Variants in VWA1 observed in about 807,000 individuals in gnomAD.
VWA1 encodes von Willebrand factor A domain-containing protein 1.
Under a neutral mutation model 14.9 loss-of-function variants are expected in VWA1, and 12 were observed. That is an observed-to-expected ratio of 0.80 (90% CI 0.52 to 1.30). The LOEUF is 1.30. VWA1 is among the 50% of genes most tolerant of loss of function. The pLI, the probability that VWA1 is intolerant of heterozygous loss-of-function variation, is 0.00. For missense variants in VWA1, 800 were observed against 649.1 expected, an observed-to-expected ratio of 1.23 and a Z score of -2.53; for synonymous variants, 368 against 310.7, an observed-to-expected ratio of 1.18 and a Z score of -1.94.
chr1:1,438,912 G>A (rs1638598809), intron 2 of VWA1, among the ~76,000 whole-genome samples, 169 bp from the exon 3 acceptor site: 2 of 152,220 alleles, frequency 1.3e-5, no homozygotes, highest in Admixed American at 6.5e-5. Flanking sequence ...GGCACGTTCT[G>A]AGAATCCCCA....
rs902076057 is a variant in VWA1, at chr1:1,441,364, G to C, written c.*1577G>C. 6.6e-6 allele frequency: 1 copy of C among 152,304 alleles called. No individual in the cohort carries two copies. The highest frequency in any genetic ancestry group is 2.4e-5 in the African/African-American group (1 of 41,466). 9.4% of individuals were successfully genotyped at this position (152,304 alleles called of 1,614,324 possible). On this transcript the variant is annotated 3_prime_UTR_variant, in exon 3 of 3. Transcript: ENST00000476993. ...CGGCTGGGGCCAGGCTCACCACGCA[G>C]AGTTTGCCCTCCGGTGTGATGATGC... is the stretch of plus-strand genomic sequence containing the variant.
rs539551326 is a variant in VWA1 at position 1,437,345 on chromosome 1, C to G, written c.492C>G (p.Thr164=). ...PMQELKDLGV[T]VFIVSTGRGN... is the part of the protein sequence containing the mutation. ...AGGAGCTCAAGGACCTGGGCGTCAC[C>G]GTGTTCATTGTCAGCACCGGCCGAG... The change falls in exon 2 of 3, where the codon ACC becomes ACG. Residue 164 remains threonine (T), a synonymous_variant. Coordinates refer to ENST00000476993, the MANE Select transcript of VWA1 (RefSeq NM_022834.5). The G allele has an allele frequency of 2.5e-6, 4 of 1,612,636 alleles. No homozygotes were observed. The highest frequency in any genetic ancestry group is 1.1e-5 in the South Asian group (1 of 91,018).
At chr1:1,435,887 G>T (rs923953726) in intron 1 of VWA1, 66 bp downstream of exon 1, 11 of 703,432 alleles carry the variant, frequency 1.6e-5, no homozygotes, top group African/African-American at 1.2e-4. Flanking sequence ...CGCTGCCCGC[G>T]CAAGGCCGTC....
At chr1:1,438,291 G>A (rs1048525560) in intron 2 of VWA1, among the ~76,000 whole-genome samples, 3 of 152,190 alleles carry the variant, frequency 2.0e-5, no homozygotes, top group African/African-American at 7.2e-5. Flanking sequence ...GTCACCCAGT[G>A]CAGCTGCGCC....
Position 1,437,382 on chromosome 1 carries a change from G to C in VWA1, c.529G>C (p.Glu177Gln). ...CAGCACCGGCCGAGGCAACTTCCTG[G>C]AGCTGTCAGCCGCTGCCTCAGCCCC... is the stretch of plus-strand genomic sequence containing the variant. ...IVSTGRGNFL[E>Q]LSAAASAPAE... is the part of the protein sequence containing the mutation. Residue 177 changes from glutamate to glutamine, a missense_variant, in exon 2 of 3, where the codon GAG (glutamate) becomes CAG (glutamine). Physicochemically the swap from Glu to Gln is conservative, Grantham distance 29. Coordinates refer to ENST00000476993, the MANE Select transcript of VWA1 (RefSeq NM_022834.5). 6.2e-7 allele frequency: 1 copy of C among 1,612,826 alleles called. No individual in the cohort carries two copies. Among genetic ancestry groups the C allele is most frequent in the Non-Finnish European group, 8.5e-7 (1 of 1,179,984 alleles).
Position 1,439,615 on chromosome 1 carries a change from C to T in VWA1, c.1166C>T (p.Thr389Met). ...VEVPAGRNCT[T>M]LQGLAPGTAY... ...GTGCCCGCGGGCCGCAACTGCACCACGCTGCAGGGCCTGGCGCCGGGCACC... is the reference window on the plus strand; with the variant it reads ...GTGCCCGCGGGCCGCAACTGCACCATGCTGCAGGGCCTGGCGCCGGGCACC... The change falls in exon 3 of 3, where the codon ACG (threonine) becomes ATG (methionine). Residue 389 changes from threonine (T) to methionine (M), a missense_variant. Transcript: ENST00000476993. The T allele has an allele frequency of 7.6e-7, 1 of 1,309,560 alleles. No individual in the cohort carries two copies. Among genetic ancestry groups the T allele is most frequent in the Non-Finnish European group, 9.7e-7 (1 of 1,027,934 alleles). The allele number at this position is 1,309,560 out of a possible 1,614,324, so 81.1% of individuals were successfully genotyped here.
chr1:1,436,610 A>C (rs765104607), intron 1 of VWA1, among the ~76,000 whole-genome samples: 7 of 152,170 alleles, frequency 4.6e-5, no homozygotes, highest in Admixed American at 6.5e-5. Context: ...CTGGGGGCCT[A>C]GGCCAGGACT....
At chr1:1,436,668 G>A in intron 1 of VWA1, 1 of 441,226 alleles carries the variant, frequency 2.3e-6, no homozygotes. Flanking sequence ...GAAGGTGTGG[G>A]GGCTTGGAGC....
In VWA1 at chr1:1,439,462, T is replaced by TCGTC. The variant is rs1638612983; in HGVS notation, c.1014_1017dup (p.Ile340ArgfsTer106). ...CCAGAGGAGGCCGGGCCAGAGCGCA[T>TCGTC]CGTCATCTCCCACGCCCGGCCGCGC... is the stretch of plus-strand genomic sequence containing the variant. On this transcript the variant is annotated frameshift_variant, in exon 3 of 3. Coordinates refer to ENST00000476993, the MANE Select transcript of VWA1 (RefSeq NM_022834.5). LOFTEE classifies it low-confidence loss of function (END_TRUNC). The TCGTC allele has an allele frequency of 7.7e-6, 11 of 1,425,830 alleles. No homozygotes were observed. The highest frequency in any genetic ancestry group is 2.9e-5 in the Admixed American group (1 of 34,160). 88.3% of individuals were successfully genotyped at this position (1,425,830 alleles called of 1,614,324 possible).
Position 1,435,713 on chromosome 1 carries a change from A to G in VWA1, c.-36A>G. 1 of 1,180,654 alleles carries G rather than the reference A, an allele frequency of 8.5e-7. No individual in the cohort carries two copies. Among genetic ancestry groups the G allele is most frequent in the Non-Finnish European group, 1.1e-6 (1 of 949,664 alleles). The allele number at this position is 1,180,654 out of a possible 1,614,324, so 73.1% of individuals were successfully genotyped here. On this transcript the variant is annotated 5_prime_UTR_variant, in exon 1 of 3. Coordinates refer to ENST00000476993, the MANE Select transcript of VWA1 (RefSeq NM_022834.5). ...GCAGCCCCGAGCGAGCGAGCGAGCG[A>G]GCGAGTTGCCGAGCGCGCCCCGTCC...
intron 2 of VWA1, 113 bp from the exon 3 acceptor site, chr1:1,438,968 C>T (rs971650509): frequency 9.8e-6 from 14 of 1,432,390 alleles, no homozygotes; most frequent in South Asian, 7.3e-5. Flanking sequence ...CGCGGGGCCC[C>T]GTCTTTCCTA....
Position 1,440,466 on chromosome 1 carries a change from G to C in VWA1, c.*679G>C, listed in dbSNP as rs1289409769. ...CCGCCCACCGCCACTATCAGGCCCC[G>C]GGACCGCACTGACAGGAAACCTTCC... On this transcript the variant is annotated 3_prime_UTR_variant, in exon 3 of 3. Coordinates refer to ENST00000476993, the MANE Select transcript of VWA1 (RefSeq NM_022834.5). The C allele has an allele frequency of 6.4e-6, 1 of 155,816 alleles. No homozygotes were observed. The highest frequency in any genetic ancestry group is 1.6e-5 in the Non-Finnish European group (1 of 64,216). The allele number at this position is 155,816 out of a possible 1,614,324, so 9.7% of individuals were successfully genotyped here. A position where few individuals can be genotyped will look rare whatever the true frequency, so the allele number is the denominator to read the frequency against.
chr1:1,435,892 G>A, intron 1 of VWA1, 71 bp downstream of exon 1: 1 of 726,690 alleles, frequency 1.4e-6, no homozygotes, highest in Non-Finnish European at 1.7e-6. Context: ...CCCGCGCAAG[G>A]CCGTCGCTGT....
intron 1 of VWA1, 92 bp from the exon 2 acceptor site, chr1:1,436,835 T>A (rs1278714976): frequency 7.4e-7 from 1 of 1,349,112 alleles, no homozygotes; most frequent in Non-Finnish European, 1.0e-6. Flanking sequence ...AGCATCCACT[T>A]AAGGAAAGCT....
chr1:1,436,143 C>G (rs372795984), intron 1 of VWA1, among the ~76,000 whole-genome samples: 1 of 152,192 alleles, frequency 6.6e-6, no homozygotes, highest in South Asian at 2.1e-4. Context: ...TGCGAGGGCC[C>G]TTAGTGGAGG....
rs940129388 is a variant in VWA1 at position 1,437,324 on chromosome 1, G to A, written c.471G>A (p.Glu157=). The A allele has an allele frequency of 2.5e-6, 4 of 1,612,094 alleles. No individual in the cohort carries two copies. Among genetic ancestry groups the A allele is most frequent in the Non-Finnish European group, 3.4e-6 (4 of 1,179,720 alleles). ...ACCCTGTGGGCCCCCCCATGCAGGAGCTCAAGGACCTGGGCGTCACCGTGT... is the reference window on the plus strand; with the variant it reads ...ACCCTGTGGGCCCCCCCATGCAGGAACTCAAGGACCTGGGCGTCACCGTGT... ...SSDPVGPPMQ[E]LKDLGVTVFI... is the part of the protein sequence containing the mutation. Residue 157 remains glutamate (E), a synonymous_variant, in exon 2 of 3, where the codon GAG becomes GAA. Transcript: ENST00000476993.
chr1:1,439,618 T>C lies in VWA1; in HGVS notation c.1169T>C (p.Leu390Pro). ...EVPAGRNCTTLQGLAPGTAYL... is the reference protein window; with the variant it reads ...EVPAGRNCTTPQGLAPGTAYL... The stretch of plus-strand genomic sequence containing the variant: ...CCCGCGGGCCGCAACTGCACCACGC[T>C]GCAGGGCCTGGCGCCGGGCACCGCC... The change falls in exon 3 of 3, where the codon CTG (leucine) becomes CCG (proline). Residue 390 changes from leucine (L) to proline (P), a missense_variant. By Grantham distance (98) the Leu-to-Pro change is moderately conservative (BLOSUM62 -3). Transcript: ENST00000476993. 2.3e-6 allele frequency: 3 copies of C among 1,312,694 alleles called. No individual in the cohort carries two copies. Among genetic ancestry groups the C allele is most frequent in the Non-Finnish European group, 2.9e-6 (3 of 1,029,030 alleles). The allele number at this position is 1,312,694 out of a possible 1,614,324, so 81.3% of individuals were successfully genotyped here.
At position 1,441,208 on chromosome 1, in the gene VWA1, AGGGG is replaced by A. The variant is rs1223117416; in HGVS notation, c.*1422_*1425del. ...CCTCAGGTCTGGTGGGCATTGTGCC[AGGGG>A]CCACCTTCGGGACAGCTGGCCTTGG... On this transcript the variant is annotated 3_prime_UTR_variant, in exon 3 of 3. Transcript: ENST00000476993. 6.6e-6 allele frequency: 1 copy of A among 152,266 alleles called. No homozygotes were observed. The highest frequency in any genetic ancestry group is 2.4e-5 in the African/African-American group (1 of 41,460). The allele number at this position is 152,266 out of a possible 1,614,324, so 9.4% of individuals were successfully genotyped here. A position where few individuals can be genotyped will look rare whatever the true frequency, so the allele number is the denominator to read the frequency against.
At chr1:1,436,443 G>C (rs529757656) in intron 1 of VWA1, among the ~76,000 whole-genome samples, 108 of 152,350 alleles carry the variant, frequency 7.1e-4, no homozygotes, top group African/African-American at 2.6e-3. Flanking sequence ...AGGCCATCCG[G>C]CGTGGTCATT....
Sources: gnomAD v4.1 joint callset for allele counts (sites outside exome capture counted in the v4.1 genomes callset) on GRCh38, gnomAD v4.1.1 for gene constraint, MANE v1.5 for transcripts, NCBI Gene and HGNC (gene_info 2026-07-23, HGNC 2026-07-21) for gene names.